The following ERICH1 variants were observed in gnomAD, a reference collection of about 807,000 sequenced individuals.
The protein encoded by ERICH1 is glutamate rich 1, also known as glutamate-rich protein 1.
ERICH1 carries 56 observed loss-of-function variants against 39.6 expected under a neutral mutation model. That is an observed-to-expected ratio of 1.41 (90% CI 1.14 to 1.77). ERICH1 has a LOEUF of 1.77. Ranked by LOEUF, ERICH1 falls within the 40% of genes most tolerant of loss-of-function variation. ERICH1 has a pLI of 0.00. For synonymous variants in ERICH1, 313 were observed against 223.6 expected, an observed-to-expected ratio of 1.40 and a Z score of -3.57; for missense variants, 826 against 575.4, an observed-to-expected ratio of 1.44 and a Z score of -4.45.
chr8:622,956 C>CAATAAATAAATA (rs71202635), intron 3 of ERICH1, among the ~76,000 whole-genome samples: 28,717 of 143,616 alleles, frequency 0.2, 4,415 homozygotes, highest in African/African-American at 0.42. Flanking sequence ...GATCCGCTCT[C>CAATAAATAAATA]AATAAATAAA....
At chr8:700,083 C>G (rs1341493260) in intron 2 of ERICH1, among the ~76,000 whole-genome samples, 1 of 132,806 alleles carries the variant, frequency 7.5e-6, no homozygotes. Context: ...GCGCACAGAC[C>G]CGCACACGCG....
chr8:724,808 G>A (rs1312371284), intron 1 of ERICH1, among the ~76,000 whole-genome samples: 2 of 152,116 alleles, frequency 1.3e-5, no homozygotes, highest in African/African-American at 4.8e-5. Context: ...TGTTTGCACG[G>A]GCAGGTTACG....
In ERICH1 at chr8:719,707, C is replaced by T. The variant is rs7840438; in HGVS notation, c.23-3700G>A. Among the ~76,000 whole-genome samples the T allele has an allele frequency of 2.8e-3, 425 of 152,322 alleles. 4 individuals carry two copies. The highest frequency in any genetic ancestry group is 8.9e-3 in the African/African-American group (372 of 41,574). On this transcript the variant is annotated intron_variant, in intron 1 of 5. Coordinates refer to ENST00000262109, the MANE Select transcript of ERICH1 (RefSeq NM_207332.3). ...TTCCTCACTCCTTCCATGTTTATCA[C>T]GTGGAATTTTGTACTGAAGTGCCCA...
chr8:669,889 G>A (rs892905279), intron 4 of ERICH1, among the ~76,000 whole-genome samples: 1 of 152,166 alleles, frequency 6.6e-6, no homozygotes, highest in Admixed American at 6.5e-5. Context: ...AACCCTGCTT[G>A]GACTTGGCAG....
At chr8:722,816 A>G (rs1309570378) in intron 1 of ERICH1, among the ~76,000 whole-genome samples, 1 of 152,220 alleles carries the variant, frequency 6.6e-6, no homozygotes, top group Non-Finnish European at 1.5e-5. Flanking sequence ...AAAAGGACCT[A>G]TTTCAAAATG....
At chr8:701,412 C>T (rs1043719371) in intron 2 of ERICH1, among the ~76,000 whole-genome samples, 2 of 152,194 alleles carry the variant, frequency 1.3e-5, no homozygotes, top group Admixed American at 1.3e-4. Context: ...GACGGGAGCA[C>T]GCCTTACCCA....
intron 3 of ERICH1, 142 bp from the exon 4 acceptor site, chr8:674,189 T>C (rs1388488367): frequency 4.1e-6 from 4 of 976,694 alleles, no homozygotes; most frequent in Non-Finnish European, 5.8e-6. Flanking sequence ...TTCTCAACTT[T>C]ACCATCAAAG....
intron 2 of ERICH1, among the ~76,000 whole-genome samples, chr8:697,528 G>A (rs1170982740): frequency 1.3e-5 from 2 of 152,126 alleles, no homozygotes; most frequent in East Asian, 1.9e-4. Context: ...CCAGCCCCAG[G>A]CGACCCCTCC....
intron 3 of ERICH1, among the ~76,000 whole-genome samples, chr8:630,727 C>G (rs190635465): frequency 7.6e-6 from 1 of 131,162 alleles, no homozygotes; most frequent in Non-Finnish European, 1.6e-5. Context: ...CCTCCTGTGA[C>G]CACCCACACA....
intron 3 of ERICH1, among the ~76,000 whole-genome samples, chr8:633,063 G>T (rs749926085): frequency 1.3e-5 from 2 of 152,194 alleles, no homozygotes; most frequent in Non-Finnish European, 2.9e-5. Flanking sequence ...CCAGTGTGGG[G>T]CCCGCGCGGG....
At chr8:616,322 G>A (rs118183457) in intron 3 of ERICH1, 4,817 of 338,292 alleles carry the variant, frequency 0.014, 55 homozygotes, top group Non-Finnish European at 0.022. Flanking sequence ...CAAGAGGGAC[G>A]CGTTAACTGA....
At chr8:656,752 C>T (rs1290670977) in intron 3 of ERICH1, 14 of 985,408 alleles carry the variant, frequency 1.4e-5, no homozygotes, top group Non-Finnish European at 1.7e-5. Flanking sequence ...CAAGGGGCCT[C>T]AGCTAGTGTT....
Position 699,012 on chromosome 8 carries a change from G to A in ERICH1, c.170-6400C>T, listed in dbSNP as rs147471311. Among the ~76,000 whole-genome samples, 1,184 of 151,828 alleles carry A rather than the reference G, an allele frequency of 7.8e-3. 17 individuals carry two copies. Among genetic ancestry groups the A allele is most frequent in the African/African-American group, 0.026 (1,086 of 41,384 alleles). ...TCCAAAGTCTCGGCTCAGCTGTGGC[G>A]GGAGGCTCAGTGGAGCCCAGGAGCT... On this transcript the variant is annotated intron_variant, in intron 2 of 5. Transcript: ENST00000262109.
chr8:618,724 T>C (rs1390344304), intron 3 of ERICH1, among the ~76,000 whole-genome samples: 1 of 152,148 alleles, frequency 6.6e-6, no homozygotes, highest in African/African-American at 2.4e-5. Flanking sequence ...ATACTAACTA[T>C]TAAAATTGTG....
chr8:711,244 T>C (rs1229211893), intron 2 of ERICH1, among the ~76,000 whole-genome samples: 1 of 152,208 alleles, frequency 6.6e-6, no homozygotes, highest in East Asian at 1.9e-4. Context: ...GTCAGGTATG[T>C]CTTTTGAAAA....
chr8:704,116 T>C (rs1432535940), intron 2 of ERICH1, among the ~76,000 whole-genome samples: 2 of 152,140 alleles, frequency 1.3e-5, no homozygotes, highest in Admixed American at 6.5e-5. Flanking sequence ...TAGCCCAGAA[T>C]CCTACACCCC....
rs770861420 is a variant in ERICH1 at position 692,496 on chromosome 8, T to G, written c.286A>C (p.Ser96Arg). ...ATTTTACCTTCTGTGTCATCCCCGC[T>G]GGAGGCGTTCTCGGGGCTCCCACAG... Reference protein sequence around the residue: ...SSCGSPENASSGDDTEDQDPH... With the variant: ...SSCGSPENASRGDDTEDQDPH... Residue 96 changes from serine (S) to arginine (R), a missense_variant, in exon 3 of 6, where the codon AGC (serine) becomes CGC (arginine). Coordinates refer to ENST00000262109, the MANE Select transcript of ERICH1 (RefSeq NM_207332.3). The G allele has an allele frequency of 1.5e-5, 25 of 1,614,010 alleles. No homozygotes were observed. The highest frequency in any genetic ancestry group is 1.7e-5 in the Non-Finnish European group (20 of 1,180,000).
At chr8:621,593 G>C (rs959759270) in intron 3 of ERICH1, among the ~76,000 whole-genome samples, 1 of 151,816 alleles carries the variant, frequency 6.6e-6, no homozygotes, top group Admixed American at 6.6e-5. Flanking sequence ...AAATAATCAA[G>C]ATTAGAGCAG....
chr8:637,103 C>T (rs977027476), intron 3 of ERICH1, among the ~76,000 whole-genome samples: 1 of 152,242 alleles, frequency 6.6e-6, no homozygotes, highest in Non-Finnish European at 1.5e-5. Context: ...AGGCTAACGA[C>T]ACGTTTCTGC....
Sources: gnomAD v4.1 joint callset for allele counts (sites outside exome capture counted in the v4.1 genomes callset) on GRCh38, gnomAD v4.1.1 for gene constraint, MANE v1.5 for transcripts, NCBI Gene and HGNC (gene_info 2026-07-23, HGNC 2026-07-21) for gene names.